The following ZNF623 variants were observed in gnomAD, a reference collection of about 807,000 sequenced individuals.
ZNF623 encodes zinc finger protein 623.
Under a neutral mutation model 24.0 loss-of-function variants are expected in ZNF623, and 16 were observed. The ratio of observed to expected loss-of-function variants is 0.67; its 90% CI spans 0.45 to 1.01. The LOEUF (loss-of-function observed/expected upper bound fraction) is 1.01. Ranked by LOEUF, ZNF623 falls within the 50% of genes least tolerant of loss-of-function variation. ZNF623 has a pLI of 0.00. For synonymous variants in ZNF623, 224 were observed against 219.8 expected (o/e 1.02, Z -0.17); for missense variants, 566 against 606.5 (o/e 0.93, Z 0.70).
rs1815375792 is a variant in ZNF623 at position 143,653,049 on chromosome 8, T to G, written c.*1566T>G. ...CTTACAGAAGAGGTGACATTTCAGC[T>G]GGGCCAGAGATCAGTAGAGAGCAGC... On this transcript the variant is annotated 3_prime_UTR_variant, in exon 2 of 2. Coordinates refer to ENST00000526926, the MANE Select transcript of ZNF623 (RefSeq NM_001261843.2). 6.0e-6 allele frequency: 1 copy of G among 167,236 alleles called. No individual in the cohort carries two copies. The highest frequency in any genetic ancestry group is 2.4e-5 in the African/African-American group (1 of 41,436). The allele number at this position is 167,236 out of a possible 1,614,324, so 10.4% of individuals were successfully genotyped here.
intron 1 of ZNF623, among the ~76,000 whole-genome samples, chr8:143,638,641 G>A (rs1027161058): frequency 1.3e-5 from 2 of 151,864 alleles, no homozygotes; most frequent in Non-Finnish European, 2.9e-5. Context: ...GGGAGGCTGA[G>A]GCAGGAGAAT....
chr8:143,648,201 G>A (rs1406266745), intron 1 of ZNF623, among the ~76,000 whole-genome samples: 1 of 152,218 alleles, frequency 6.6e-6, no homozygotes, highest in Non-Finnish European at 1.5e-5. Context: ...GATGAGGGCT[G>A]AGCCCTAGAC....
In ZNF623 at chr8:143,650,023, G is replaced by A; in HGVS notation, c.31G>A (p.Val11Ile). 1 of 1,614,206 alleles carries A rather than the reference G, an allele frequency of 6.2e-7. No individual in the cohort carries two copies. The highest frequency in any genetic ancestry group is 1.3e-5 in the African/African-American group (1 of 75,050). MELPSPESEE[V>I]HEPRLGELLG... Reference sequence around the variant, plus strand: ...GCTCCCCTCTCCCGAGTCTGAGGAAGTCCACGAGCCCAGATTAGGGGAGCT... The same window carrying A: ...GCTCCCCTCTCCCGAGTCTGAGGAAATCCACGAGCCCAGATTAGGGGAGCT... The change falls in exon 2 of 2, where the codon GTC becomes ATC. Residue 11 changes from valine to isoleucine, a missense_variant. Physicochemically the swap from Val to Ile is conservative, Grantham distance 29 (BLOSUM62 3). Transcript: ENST00000526926. This position sits in a 1 kb window ranked among gnomAD's most constrained non-coding sequence, Gnocchi z 5.2.
intron 1 of ZNF623, among the ~76,000 whole-genome samples, chr8:143,645,357 A>G (rs929260671): frequency 9.3e-4 from 138 of 148,198 alleles, no homozygotes; most frequent in African/African-American, 3.2e-3. Flanking sequence ...GCGTGAACCC[A>G]GGAGGCAGAG....
chr8:143,650,724 C>T lies in ZNF623; in HGVS notation c.732C>T (p.Ile244=). 6.2e-7 allele frequency: 1 copy of T among 1,614,018 alleles called. No individual in the cohort carries two copies. The highest frequency in any genetic ancestry group is 8.5e-7 in the Non-Finnish European group (1 of 1,180,004). The change falls in exon 2 of 2, where the codon ATC becomes ATT. Residue 244 remains isoleucine (I), a synonymous_variant. Coordinates refer to ENST00000526926, the MANE Select transcript of ZNF623 (RefSeq NM_001261843.2). This position sits in a 1 kb window ranked among gnomAD's most constrained non-coding sequence, Gnocchi z 5.2. ...CGAGCCTCATTCGCCATTATCAGAT[C>T]CACACAGAAGTGAAACAGTATGAAT... ...RSSSLIRHYQ[I]HTEVKQYECK...
chr8:143,637,864 C>G (rs1395226422), intron 1 of ZNF623, among the ~76,000 whole-genome samples: 4 of 152,030 alleles, frequency 2.6e-5, no homozygotes, highest in African/African-American at 9.7e-5. Context: ...GATGTTTTAT[C>G]CAGCAAATTC....
chr8:143,646,417 A>G (rs1815176599), intron 1 of ZNF623, among the ~76,000 whole-genome samples: 1 of 152,178 alleles, frequency 6.6e-6, no homozygotes, highest in African/African-American at 2.4e-5. Flanking sequence ...GATGAAATGT[A>G]TTACTTTATG....
intron 1 of ZNF623, among the ~76,000 whole-genome samples, chr8:143,648,283 G>T (rs1815216659): frequency 6.6e-6 from 1 of 152,130 alleles, no homozygotes; most frequent in African/African-American, 2.4e-5. Context: ...ACAGAGAAAG[G>T]CTGTCCCAGA....
In ZNF623 at chr8:143,650,122, A is replaced by T. The variant is rs1204800287; in HGVS notation, c.130A>T (p.Thr44Ser). 6.2e-7 allele frequency: 1 copy of T among 1,614,150 alleles called. No individual in the cohort carries two copies. The highest frequency in any genetic ancestry group is 8.5e-7 in the Non-Finnish European group (1 of 1,180,028). The change falls in exon 2 of 2, where the codon ACC (threonine) becomes TCC (serine). Residue 44 changes from threonine (T) to serine (S), a missense_variant. Around this residue, in one of 3 missense-constraint regions of ZNF623, gnomAD observed 313 missense variants for 300.4 expected, o/e 1.04. Coordinates refer to ENST00000526926, the MANE Select transcript of ZNF623 (RefSeq NM_001261843.2). The surrounding 1 kb of genome is among the most constrained non-coding windows in gnomAD (Gnocchi z 5.2). The part of the protein sequence containing the change: ...QDRGCKQVTV[T>S]HWKIQTGETA... ...CAGGGGCTGCAAGCAGGTGACAGTG[A>T]CCCATTGGAAGATCCAGACAGGAGA...
intron 1 of ZNF623, among the ~76,000 whole-genome samples, chr8:143,646,538 GGT>G (rs1554605066): frequency 8.1e-6 from 1 of 122,916 alleles, no homozygotes; most frequent in Non-Finnish European, 1.6e-5. Flanking sequence ...TTGCCTGTGG[GGT>G]GTGTGCGTGT....
chr8:143,646,540 T>TATGTGC (rs201287121), intron 1 of ZNF623, among the ~76,000 whole-genome samples: 15,709 of 130,162 alleles, frequency 0.12, 895 homozygotes, highest in Admixed American at 0.16. Context: ...GCCTGTGGGG[T>TATGTGC]GTGTGCGTGT....
In ZNF623 at chr8:143,651,477, C is replaced by G; in HGVS notation, c.1485C>G (p.Asn495Lys). 1 of 1,558,336 alleles carries G rather than the reference C, an allele frequency of 6.4e-7. No individual in the cohort carries two copies. Among genetic ancestry groups the G allele is most frequent in the Non-Finnish European group, 8.6e-7 (1 of 1,156,794 alleles). ...TAGATAAGGGGGAACACACAGGTAA[C>G]TTATAAAATAATTACTTTCCCGCCC... ...RSVDKGEHTG[N>K]L Residue 495 changes from asparagine (N) to lysine (K), a missense_variant, in exon 2 of 2, where the codon AAC becomes AAG. Coordinates refer to ENST00000526926, the MANE Select transcript of ZNF623 (RefSeq NM_001261843.2).
At chr8:143,643,031 A>G (rs1290284041) in intron 1 of ZNF623, among the ~76,000 whole-genome samples, 1 of 152,230 alleles carries the variant, frequency 6.6e-6, no homozygotes, top group Admixed American at 6.5e-5. Context: ...TGACCTAATC[A>G]CACAGACCCT....
chr8:143,651,633 C>T lies in ZNF623; in HGVS notation c.*150C>T, dbSNP rs747893336. 1 of 856,894 alleles carries T rather than the reference C, an allele frequency of 1.2e-6. No individual in the cohort carries two copies. The highest frequency in any genetic ancestry group is 1.8e-6 in the Non-Finnish European group (1 of 557,874). The allele number at this position is 856,894 out of a possible 1,614,324, so 53.1% of individuals were successfully genotyped here. On this transcript the variant is annotated 3_prime_UTR_variant, in exon 2 of 2. Coordinates refer to ENST00000526926, the MANE Select transcript of ZNF623 (RefSeq NM_001261843.2). ...TGCCACCTGCCACTGTGCAGCCCTA[C>T]TCGGCTCAGCCCTTCTCCTCAGCTG...
intron 1 of ZNF623, among the ~76,000 whole-genome samples, chr8:143,641,955 A>G (rs534577956): frequency 1.3e-5 from 2 of 152,192 alleles, no homozygotes; most frequent in African/African-American, 2.4e-5. Context: ...GGAAATGACC[A>G]TTGGCTTCAC....
In ZNF623 at chr8:143,650,813, C is replaced by A. The variant is rs754406396; in HGVS notation, c.821C>A (p.Thr274Asn). 1 of 1,614,218 alleles carries A rather than the reference C, an allele frequency of 6.2e-7. No homozygotes were observed. Among genetic ancestry groups the A allele is most frequent in the Non-Finnish European group, 8.5e-7 (1 of 1,180,042 alleles). ...CTTATTGAACACCAGAGAATTCACA[C>A]CGGAGAGAGACCCTTTGAATGCAAT... is the stretch of plus-strand genomic sequence containing the variant. ...SDLIEHQRIH[T>N]GERPFECNEC... Residue 274 changes from threonine to asparagine, a missense_variant, in exon 2 of 2, where the codon ACC becomes AAC. Physicochemically the swap from Thr to Asn is moderately conservative, Grantham distance 65. Transcript: ENST00000526926. This position sits in a 1 kb window ranked among gnomAD's most constrained non-coding sequence, Gnocchi z 5.2.
chr8:143,651,434 A>G lies in ZNF623; in HGVS notation c.1442A>G (p.His481Arg), dbSNP rs202241170. Reference sequence around the variant, plus strand: ...CTCTCCTTGAGTAAGGCCCCCATACATTTGGGTGAGAGGTCTGTAGATAAG... The same window carrying G: ...CTCTCCTTGAGTAAGGCCCCCATACGTTTGGGTGAGAGGTCTGTAGATAAG... ...EGLSLSKAPI[H>R]LGERSVDKGE... Residue 481 changes from histidine to arginine, a missense_variant, in exon 2 of 2, where the codon CAT (histidine) becomes CGT (arginine). Physicochemically the swap from His to Arg is conservative, Grantham distance 29 (BLOSUM62 0). Coordinates refer to ENST00000526926, the MANE Select transcript of ZNF623 (RefSeq NM_001261843.2). 15 of 1,609,602 alleles carry G rather than the reference A, an allele frequency of 9.3e-6. No individual in the cohort carries two copies. In the East Asian group the frequency reaches 1.1e-4, roughly 12 times the overall value.
rs550571649 is a variant in ZNF623, at chr8:143,651,815, C to G, written c.*332C>G. ...TTGACTTAAATCCCTTATTACAGCA[C>G]AACTGTGTATCTAATCTTACGATTT... On this transcript the variant is annotated 3_prime_UTR_variant, in exon 2 of 2. Transcript: ENST00000526926. 1 of 278,854 alleles carries G rather than the reference C, an allele frequency of 3.6e-6. No homozygotes were observed. The highest frequency in any genetic ancestry group is 4.8e-5 in the Admixed American group (1 of 20,670). 17.3% of individuals were successfully genotyped at this position (278,854 alleles called of 1,614,324 possible). A position where few individuals can be genotyped will look rare whatever the true frequency, so the allele number is the denominator to read the frequency against.
At chr8:143,644,725 A>G (rs1227571136) in intron 1 of ZNF623, among the ~76,000 whole-genome samples, 1 of 151,560 alleles carries the variant, frequency 6.6e-6, no homozygotes, top group Non-Finnish European at 1.5e-5. Context: ...CCCCATCTCT[A>G]CTAAAAATAC....
Sources: gnomAD v4.1 joint callset for allele counts (sites outside exome capture counted in the v4.1 genomes callset) on GRCh38, gnomAD v4.1.1 for gene constraint, gnomAD v4.1.1 regional missense constraint, Gnocchi (gnomAD v3.1) non-coding constraint, MANE v1.5 for transcripts, NCBI Gene and HGNC (gene_info 2026-07-23, HGNC 2026-07-21) for gene names.